Variants in RAP1GAP2 observed in about 807,000 individuals in gnomAD.
RAP1GAP2 encodes rap1 GTPase-activating protein 2.
In RAP1GAP2, 27 loss-of-function variants were observed where a neutral mutation model predicts 95.0. The ratio of observed to expected loss-of-function variants is 0.28; its 90% CI spans 0.21 to 0.39. RAP1GAP2 has a LOEUF of 0.39. RAP1GAP2 is among the 10% of genes least tolerant of loss of function. The pLI, the probability that RAP1GAP2 is intolerant of heterozygous loss-of-function variation, is 1.00. For synonymous variants in RAP1GAP2, 373 were observed against 380.9 expected (o/e 0.98, Z 0.24); for missense variants, 771 against 970.0 (o/e 0.79, Z 2.72).
chr17:2,977,285 C>A (rs7215213), intron 8 of RAP1GAP2, among the ~76,000 whole-genome samples: 7,872 of 152,088 alleles, frequency 0.052, 671 homozygotes, highest in African/African-American at 0.18. Context: ...ATATAAATTT[C>A]CAAAATTGAC....
Position 2,819,590 on chromosome 17 carries a change from C to G in RAP1GAP2, c.80+19040C>G, listed in dbSNP as rs375289224. Among the ~76,000 whole-genome samples, 494 of 152,018 alleles carry G rather than the reference C, an allele frequency of 3.2e-3. 3 individuals are homozygous for G. The highest frequency in any genetic ancestry group is 0.011 in the African/African-American group (467 of 41,478). On this transcript the variant is annotated intron_variant, in intron 2 of 24. Coordinates refer to ENST00000254695, the MANE Select transcript of RAP1GAP2 (RefSeq NM_015085.5). ...CCGGGTTCCAGCGACTCTCCTGCCT[C>G]AGCCTCCTGGGTAGCTGGGATTACA...
chr17:2,770,741 TTAC>T (rs2151434894), intron 2 of RAP1GAP2, among the ~76,000 whole-genome samples: 1 of 152,326 alleles, frequency 6.6e-6, no homozygotes, highest in Admixed American at 6.5e-5. Context: ...CTGCAGAGAT[TTAC>T]AAAGCCTGGA....
In RAP1GAP2 at chr17:2,865,578, T is replaced by C. The variant is rs550512006; in HGVS notation, c.81-39706T>C. On this transcript the variant is annotated intron_variant, in intron 2 of 24. Coordinates refer to ENST00000254695, the MANE Select transcript of RAP1GAP2 (RefSeq NM_015085.5). ...AGAACGTCTATTTTAATAAGATCTT[T>C]GAGATGCACAGACAGAAACAGCATG... Among the ~76,000 whole-genome samples the C allele has an allele frequency of 3.3e-5, 5 of 152,304 alleles. No homozygotes were observed. In the South Asian group the frequency reaches 1.0e-3, roughly 32 times the overall value.
intron 2 of RAP1GAP2, among the ~76,000 whole-genome samples, chr17:2,874,886 C>T (rs769885876): frequency 6.6e-6 from 1 of 152,178 alleles, no homozygotes; most frequent in Non-Finnish European, 1.5e-5. Flanking sequence ...CTCACACAGC[C>T]TCATACTCGC....
intron 2 of RAP1GAP2, among the ~76,000 whole-genome samples, chr17:2,813,075 CTT>C (rs576292173): frequency 5.6e-5 from 8 of 142,248 alleles, no homozygotes; most frequent in Non-Finnish European, 6.2e-5. Flanking sequence ...AGCATCAGTA[CTT>C]TTTTTTTTTT....
intron 19 of RAP1GAP2, among the ~76,000 whole-genome samples, chr17:3,021,724 C>T (rs558050312): frequency 2.0e-4 from 31 of 152,324 alleles, no homozygotes; most frequent in African/African-American, 3.6e-4. Context: ...CGTGAGCCAC[C>T]GCACCCGGCC....
intron 3 of RAP1GAP2, among the ~76,000 whole-genome samples, chr17:2,921,376 T>C (rs1341626214): frequency 1.3e-5 from 2 of 152,170 alleles, no homozygotes; most frequent in East Asian, 3.9e-4. Context: ...TAACTTTTTG[T>C]ATTTTTAGTA....
chr17:2,843,133 C>G (rs1245733858), intron 2 of RAP1GAP2, among the ~76,000 whole-genome samples: 3 of 152,022 alleles, frequency 2.0e-5, no homozygotes, highest in African/African-American at 7.2e-5. Flanking sequence ...AAACCCAAAA[C>G]CTCAACCTGG....
intron 3 of RAP1GAP2, among the ~76,000 whole-genome samples, chr17:2,908,313 C>T (rs1483438655): frequency 1.3e-5 from 2 of 152,054 alleles, no homozygotes; most frequent in African/African-American, 2.4e-5. Context: ...ATCAAGCAGA[C>T]GCTTGGACAT....
Position 2,796,526 on chromosome 17 carries a change from C to T in RAP1GAP2, c.-2C>T, listed in dbSNP as rs951766288. ...GGGACCCCGGGCTCTGCAGCCACAACCATGTTTGGCCGGAAGCGCAGTGTC... is the reference window on the plus strand; with the variant it reads ...GGGACCCCGGGCTCTGCAGCCACAATCATGTTTGGCCGGAAGCGCAGTGTC... On this transcript the variant is annotated 5_prime_UTR_variant, in exon 1 of 25. Coordinates refer to ENST00000254695, the MANE Select transcript of RAP1GAP2 (RefSeq NM_015085.5). The surrounding 1 kb of genome is among the most constrained non-coding windows in gnomAD (Gnocchi z 4.7). The T allele has an allele frequency of 1.3e-6, 2 of 1,561,326 alleles. No individual in the cohort carries two copies. The highest frequency in any genetic ancestry group is 1.4e-5 in the African/African-American group (1 of 73,560).
intron 2 of RAP1GAP2, among the ~76,000 whole-genome samples, chr17:2,872,824 C>T (rs1225758323): frequency 6.6e-6 from 1 of 152,000 alleles, no homozygotes; most frequent in East Asian, 1.9e-4. Context: ...GTGCACACTA[C>T]CATGCCTGGC....
Position 2,965,874 on chromosome 17 carries a change from G to T in RAP1GAP2, c.596+231G>T. The T allele has an allele frequency of 1.8e-6, 1 of 555,436 alleles. No homozygotes were observed. The highest frequency in any genetic ancestry group is 2.2e-5 in the South Asian group (1 of 46,226). 34.4% of individuals were successfully genotyped at this position (555,436 alleles called of 1,614,324 possible). On this transcript the variant is annotated intron_variant, in intron 8 of 24. Transcript: ENST00000254695. The surrounding 1 kb of genome is among the most constrained non-coding windows in gnomAD (Gnocchi z 4.7). ...AGTCAGAGGGGCATCCAGGTCTCAA[G>T]GTCACCCAGACTGTACCCCTTCCTG...
chr17:2,810,409 A>G lies in RAP1GAP2; in HGVS notation c.80+9859A>G, dbSNP rs186046149. 2.2e-3 allele frequency among the ~76,000 whole-genome samples: 337 copies of G among 150,848 alleles called. 1 individual carries two copies. Among genetic ancestry groups the G allele is most frequent in the African/African-American group, 7.6e-3 (312 of 40,920 alleles). On this transcript the variant is annotated intron_variant, in intron 2 of 24. Transcript: ENST00000254695. ...AAGTTCTAGGGTACATGTGCACAAC[A>G]TGCAGGTTTGTTACATATGTATACA... is the stretch of plus-strand genomic sequence containing the variant.
intron 11 of RAP1GAP2, among the ~76,000 whole-genome samples, chr17:2,985,983 C>T (rs1013345026): frequency 6.6e-6 from 1 of 152,040 alleles, no homozygotes; most frequent in African/African-American, 2.4e-5. Flanking sequence ...AAAAGTTCCA[C>T]ACCCATTTCA....
intron 1 of RAP1GAP2, among the ~76,000 whole-genome samples, chr17:2,782,872 C>T (rs530608912): frequency 2.6e-5 from 4 of 152,198 alleles, no homozygotes; most frequent in Admixed American, 2.0e-4. Flanking sequence ...AAAAAATTAC[C>T]CGGGTGTGGT....
chr17:2,838,016 C>CTTTTTTT (rs71153304), intron 2 of RAP1GAP2, among the ~76,000 whole-genome samples: 1 of 94,440 alleles, frequency 1.1e-5, no homozygotes, highest in Non-Finnish European at 1.9e-5. Context: ...TTCTTTTTTC[C>CTTTTTTT]TTTTTTTTTT....
At chr17:2,787,617 G>A (rs1362643524) in intron 1 of RAP1GAP2, among the ~76,000 whole-genome samples, 1 of 152,050 alleles carries the variant, frequency 6.6e-6, no homozygotes, top group African/African-American at 2.4e-5. Flanking sequence ...GCCCAGGCTG[G>A]AGTGCAGTGG....
At position 2,815,805 on chromosome 17, in the gene RAP1GAP2, C is replaced by T. The variant is rs1019122777; in HGVS notation, c.80+15255C>T. 2.0e-5 allele frequency among the ~76,000 whole-genome samples: 3 copies of T among 152,336 alleles called. No individual in the cohort carries two copies. The East Asian group carries it at 5.8e-4, about 29-fold the overall frequency. On this transcript the variant is annotated intron_variant, in intron 2 of 24. Transcript: ENST00000254695. The stretch of plus-strand genomic sequence containing the variant: ...CCCCATTTCCGATATTAACAACAGT[C>T]CTGGGCTGTGCGGTCACACACGTGT...
At chr17:2,838,123 AT>A (rs1008089140) in intron 2 of RAP1GAP2, among the ~76,000 whole-genome samples, 59 of 147,146 alleles carry the variant, frequency 4.0e-4, no homozygotes, top group African/African-American at 1.4e-3. Flanking sequence ...GGTTCAAGCA[AT>A]TCTCCTGCCT....
Sources: allele counts gnomAD v4.1 joint callset (sites outside exome capture counted in the v4.1 genomes callset), GRCh38; gene constraint gnomAD v4.1.1; non-coding constraint Gnocchi (gnomAD v3.1); transcripts MANE v1.5; gene names NCBI Gene and HGNC (gene_info 2026-07-23, HGNC 2026-07-21).